EXOC6B: variants seen among roughly 807,000 people sequenced by gnomAD.
EXOC6B encodes the protein SEC15 homolog B.
Under a neutral mutation model 113.5 loss-of-function variants are expected in EXOC6B, and 54 were observed. The observed-to-expected ratio is 0.48, with a 90% CI of 0.38 to 0.60. EXOC6B has a LOEUF of 0.60. Ranked by LOEUF, EXOC6B falls within the 20% of genes least tolerant of loss-of-function variation. The pLI, the probability that EXOC6B is intolerant of heterozygous loss-of-function variation, is 0.00. For synonymous variants in EXOC6B, 357 were observed against 339.0 expected (o/e 1.05, Z -0.58); for missense variants, 797 against 977.5 (o/e 0.82, Z 2.46).
chr2:72,202,302 C>T (rs996268718), intron 20 of EXOC6B, among the ~76,000 whole-genome samples: 8 of 152,194 alleles, frequency 5.3e-5, no homozygotes, highest in Admixed American at 1.3e-4. Flanking sequence ...ACAGGGTATC[C>T]TTATTATTCA....
intron 20 of EXOC6B, among the ~76,000 whole-genome samples, chr2:72,218,993 A>G (rs1225881114): frequency 6.6e-6 from 1 of 151,932 alleles, no homozygotes; most frequent in Non-Finnish European, 1.5e-5. Flanking sequence ...AGGAAAAAAA[A>G]TGGAGAGAAT....
At chr2:72,552,111 A>G (rs1191522696) in intron 8 of EXOC6B, among the ~76,000 whole-genome samples, 1 of 152,228 alleles carries the variant, frequency 6.6e-6, no homozygotes, top group African/African-American at 2.4e-5. Flanking sequence ...CTGAGTACTT[A>G]CCACATGCCA....
At chr2:72,363,777 G>A (rs999757098) in intron 19 of EXOC6B, among the ~76,000 whole-genome samples, 2 of 151,998 alleles carry the variant, frequency 1.3e-5, no homozygotes, top group African/African-American at 4.8e-5. Context: ...AAATGGAGTT[G>A]TAAGGGGTTA....
At chr2:72,359,458 G>A (rs1273892282) in intron 19 of EXOC6B, among the ~76,000 whole-genome samples, 3 of 152,052 alleles carry the variant, frequency 2.0e-5, no homozygotes, top group Non-Finnish European at 2.9e-5. Context: ...CACTAAACCC[G>A]ACAATGCCTT....
At chr2:72,484,566 CAAAAAAAAAAAA>C (rs1163864913) in intron 16 of EXOC6B, among the ~76,000 whole-genome samples, 1 of 52,646 alleles carries the variant, frequency 1.9e-5, no homozygotes, top group Non-Finnish European at 3.9e-5. Flanking sequence ...GACTCCGTCA[CAAAAAAAAAAAA>C]AAAAAAAAAA....
rs539915210 is a variant in EXOC6B, at chr2:72,182,833, AG to A, written c.2309+1241del. On this transcript the variant is annotated intron_variant, in intron 21 of 21. Coordinates refer to ENST00000272427, the MANE Select transcript of EXOC6B (RefSeq NM_015189.3). ...TTTAGTGTAGTCATTAGTGTCAATG[AG>A]GAAACCAGAAGGACTTGCCTCAAAG... is the stretch of plus-strand genomic sequence containing the variant. 209 of 1,138,806 alleles carry A rather than the reference AG, an allele frequency of 1.8e-4. 1 individual carries two copies. The East Asian group carries it at 6.1e-3, about 33-fold the overall frequency. 70.5% of individuals were successfully genotyped at this position (1,138,806 alleles called of 1,614,324 possible).
chr2:72,557,910 G>A (rs936952803), intron 8 of EXOC6B, among the ~76,000 whole-genome samples: 8 of 152,042 alleles, frequency 5.3e-5, no homozygotes, highest in Middle Eastern at 3.2e-3. Context: ...GGCTCTAGGT[G>A]TGAAATCGTA....
intron 8 of EXOC6B, among the ~76,000 whole-genome samples, chr2:72,538,907 G>A (rs904119638): frequency 6.6e-6 from 1 of 152,108 alleles, no homozygotes; most frequent in Non-Finnish European, 1.5e-5. Flanking sequence ...TCAAGTTGTA[G>A]GACAGAACTC....
At chr2:72,247,552 T>C (rs1390560991) in intron 20 of EXOC6B, among the ~76,000 whole-genome samples, 1 of 152,226 alleles carries the variant, frequency 6.6e-6, no homozygotes, top group Non-Finnish European at 1.5e-5. Flanking sequence ...GATGAACTGA[T>C]GGTGTGTCCC....
At chr2:72,383,186 TATC>T (rs1691794301) in intron 18 of EXOC6B, among the ~76,000 whole-genome samples, 1 of 152,052 alleles carries the variant, frequency 6.6e-6, no homozygotes, top group South Asian at 2.1e-4. Flanking sequence ...CAAAATAAAC[TATC>T]AACAGAGAAA....
intron 18 of EXOC6B, among the ~76,000 whole-genome samples, chr2:72,457,340 A>T (rs531658124): frequency 3.5e-4 from 54 of 152,224 alleles, no homozygotes; most frequent in African/African-American, 1.3e-3. Context: ...GAATTTCAGA[A>T]ACTTTTATGT....
intron 18 of EXOC6B, among the ~76,000 whole-genome samples, chr2:72,438,046 C>A (rs894465538): frequency 6.6e-6 from 1 of 152,046 alleles, no homozygotes; most frequent in African/African-American, 2.4e-5. Flanking sequence ...TCATTGAGTA[C>A]ACATTAGGTA....
At chr2:72,776,391 C>A (rs1683703469) in intron 1 of EXOC6B, among the ~76,000 whole-genome samples, 1 of 152,028 alleles carries the variant, frequency 6.6e-6, no homozygotes, top group African/African-American at 2.4e-5. Context: ...CCAAGACGGG[C>A]ATACTGTTTT....
At chr2:72,538,411 T>TA (rs949440456) in intron 8 of EXOC6B, among the ~76,000 whole-genome samples, 1 of 152,206 alleles carries the variant, frequency 6.6e-6, no homozygotes, top group East Asian at 1.9e-4. Flanking sequence ...GTAACCACAG[T>TA]AAAAAACAGG....
At chr2:72,578,516 C>G (rs893174598) in intron 6 of EXOC6B, among the ~76,000 whole-genome samples, 3 of 152,004 alleles carry the variant, frequency 2.0e-5, no homozygotes, top group Non-Finnish European at 4.4e-5. Flanking sequence ...CCTACAAAAC[C>G]CAAGTACAAT....
chr2:72,675,636 T>C (rs905050865), intron 6 of EXOC6B, among the ~76,000 whole-genome samples: 6 of 151,874 alleles, frequency 4.0e-5, no homozygotes, highest in African/African-American at 9.7e-5. Context: ...CTACAAAAAA[T>C]ACAAAAATTA....
intron 1 of EXOC6B, among the ~76,000 whole-genome samples, chr2:72,796,829 G>A (rs930354196): frequency 6.6e-5 from 10 of 152,296 alleles, no homozygotes; most frequent in African/African-American, 2.2e-4. Flanking sequence ...ACTGCTAGAG[G>A]AGACAGCTAG....
chr2:72,700,237 A>AACACACACACACACACACACAC lies in EXOC6B; in HGVS notation c.669+17844_669+17865dup, dbSNP rs3034948. On this transcript the variant is annotated intron_variant, in intron 6 of 21. Coordinates refer to ENST00000272427, the MANE Select transcript of EXOC6B (RefSeq NM_015189.3). ...TCCTGTTAGATACAAAGACCACAGA[A>AACACACACACACACACACACAC]ACACACACACACACACACACACACA... 4.7e-3 allele frequency among the ~76,000 whole-genome samples: 672 copies of AACACACACACACACACACACAC among 142,400 alleles called. 11 individuals are homozygous for AACACACACACACACACACACAC. The highest frequency in any genetic ancestry group is 0.012 in the African/African-American group (447 of 37,284). The allele number at this position is 142,400 out of a possible 152,430, so 93.4% of individuals were successfully genotyped here.
chr2:72,351,703 C>T (rs1689664104), intron 19 of EXOC6B, among the ~76,000 whole-genome samples: 1 of 152,164 alleles, frequency 6.6e-6, no homozygotes, highest in South Asian at 2.1e-4. Flanking sequence ...AACCCTACTT[C>T]TAACTGGTTT....
Sources: allele counts gnomAD v4.1 joint callset (sites outside exome capture counted in the v4.1 genomes callset), GRCh38; gene constraint gnomAD v4.1.1; transcripts MANE v1.5; gene names NCBI Gene and HGNC (gene_info 2026-07-23, HGNC 2026-07-21).